SLC9A9: variants seen among roughly 807,000 people sequenced by gnomAD.
The protein encoded by SLC9A9 is sodium/hydrogen exchanger 9.
Under a neutral mutation model 77.8 loss-of-function variants are expected in SLC9A9, and 62 were observed. That is an observed-to-expected ratio of 0.80 (90% CI 0.65 to 0.98). The LOEUF is 0.98. Ranked by LOEUF, SLC9A9 falls within the 50% of genes least tolerant of loss-of-function variation. The pLI is 0.00. For synonymous variants in SLC9A9, 320 were observed against 283.5 expected, an observed-to-expected ratio of 1.13 and a Z score of -1.29; for missense variants, 775 against 774.9, an observed-to-expected ratio of 1.00 and a Z score of 0.00.
intron 11 of SLC9A9, among the ~76,000 whole-genome samples, chr3:143,477,970 T>C (rs920570632): frequency 2.0e-5 from 3 of 152,226 alleles, no homozygotes; most frequent in African/African-American, 4.8e-5. Context: ...GCCCACTCCC[T>C]AACTTTCTGT....
At chr3:143,500,667 T>C (rs1298180204) in intron 9 of SLC9A9, among the ~76,000 whole-genome samples, 1 of 152,114 alleles carries the variant, frequency 6.6e-6, no homozygotes, top group African/African-American at 2.4e-5. Context: ...ATGTATATTT[T>C]TCCAGGTGAA....
intron 1 of SLC9A9, among the ~76,000 whole-genome samples, chr3:143,840,304 C>A (rs78206048): frequency 6.6e-6 from 1 of 151,360 alleles, no homozygotes. Flanking sequence ...ATCTTGGGCT[C>A]ATGCACACAG....
chr3:143,601,170 A>G (rs1464838855), intron 6 of SLC9A9, among the ~76,000 whole-genome samples: 1 of 152,162 alleles, frequency 6.6e-6, no homozygotes, highest in Non-Finnish European at 1.5e-5. Flanking sequence ...CATTCAATGA[A>G]TATTTACTGA....
In SLC9A9 at chr3:143,795,294, A is replaced by AAAAAC. The variant is rs1553794673; in HGVS notation, c.457-218_457-217insGTTTT. ...AGTCAAGAAGCAGAAAAAAAAAAAA[A>AAAAAC]AAAAAACCCACTGGAAGATGAGTAG... On this transcript the variant is annotated intron_variant, in intron 3 of 15. Coordinates refer to ENST00000316549, the MANE Select transcript of SLC9A9 (RefSeq NM_173653.4). Among the ~76,000 whole-genome samples, 88 of 147,878 alleles carry AAAAAC rather than the reference A, an allele frequency of 6.0e-4. 1 individual carries two copies. The highest frequency in any genetic ancestry group is 1.7e-3 in the South Asian group (8 of 4,618).
At chr3:143,474,909 C>T (rs2035445306) in intron 11 of SLC9A9, among the ~76,000 whole-genome samples, 1 of 151,678 alleles carries the variant, frequency 6.6e-6, no homozygotes, top group East Asian at 1.9e-4. Flanking sequence ...TCTCAGTCCT[C>T]AGAAAGGCTG....
intron 14 of SLC9A9, among the ~76,000 whole-genome samples, chr3:143,274,260 C>T (rs1167140237): frequency 6.6e-6 from 1 of 152,192 alleles, no homozygotes; most frequent in African/African-American, 2.4e-5. Flanking sequence ...TCCATATCTC[C>T]ATTCAGGAAT....
chr3:143,751,065 C>T (rs1487241113), intron 4 of SLC9A9, among the ~76,000 whole-genome samples: 1 of 152,208 alleles, frequency 6.6e-6, no homozygotes, highest in South Asian at 2.1e-4. Flanking sequence ...ACATCAGATG[C>T]TGCTTCAAGG....
chr3:143,510,612 G>A (rs1369108179), intron 9 of SLC9A9, among the ~76,000 whole-genome samples: 5 of 151,896 alleles, frequency 3.3e-5, no homozygotes, highest in East Asian at 1.9e-4. Context: ...TCTTGTACCC[G>A]CTTCATATTA....
At chr3:143,800,878 G>A (rs55936201) in intron 2 of SLC9A9, among the ~76,000 whole-genome samples, 38,270 of 152,024 alleles carry the variant, frequency 0.25, 5,384 homozygotes, top group African/African-American at 0.36. Context: ...TCCGTTACCT[G>A]TCTTGGCATA....
At position 143,614,697 on chromosome 3, in the gene SLC9A9, C is replaced by A. The variant is rs146624122; in HGVS notation, c.756-35974G>T. ...TAAACCACAGTTAGGAAATCAGAAA[C>A]TTTCCACTCCCATGATGGGGAATCG... On this transcript the variant is annotated intron_variant, in intron 6 of 15. Coordinates refer to ENST00000316549, the MANE Select transcript of SLC9A9 (RefSeq NM_173653.4). 2.0e-5 allele frequency among the ~76,000 whole-genome samples: 3 copies of A among 152,302 alleles called. No homozygotes were observed. In the East Asian group the frequency reaches 5.8e-4, roughly 29 times the overall value.
chr3:143,645,769 A>G (rs987019573), intron 6 of SLC9A9, among the ~76,000 whole-genome samples: 1 of 152,054 alleles, frequency 6.6e-6, no homozygotes, highest in African/African-American at 2.4e-5. Context: ...TTGGTGCTCC[A>G]TTTCTTCATC....
rs573860392 is a variant in SLC9A9, at chr3:143,568,315, C to T, written c.1000+5773G>A. Among the ~76,000 whole-genome samples the T allele has an allele frequency of 5.9e-5, 9 of 152,136 alleles. No homozygotes were observed. The South Asian group carries it at 1.0e-3, about 18-fold the overall frequency. On this transcript the variant is annotated intron_variant, in intron 8 of 15. Transcript: ENST00000316549. ...CTCTTTGTCAGGGGAGGGTGGGACACGTTGATTAGAAGATGTTATCCATTG... is the reference window on the plus strand; with the variant it reads ...CTCTTTGTCAGGGGAGGGTGGGACATGTTGATTAGAAGATGTTATCCATTG...
chr3:143,428,738 C>T (rs1488143353), intron 12 of SLC9A9, among the ~76,000 whole-genome samples: 7 of 152,130 alleles, frequency 4.6e-5, no homozygotes, highest in East Asian at 1.9e-4. Flanking sequence ...GACACACACA[C>T]GAATATTAAC....
intron 13 of SLC9A9, among the ~76,000 whole-genome samples, chr3:143,375,196 C>G (rs1381152154): frequency 1.3e-5 from 2 of 152,208 alleles, no homozygotes; most frequent in Non-Finnish European, 2.9e-5. Context: ...AGTATCAGTA[C>G]ATTTCAAAAG....
chr3:143,809,973 G>A (rs1382410541), intron 2 of SLC9A9, among the ~76,000 whole-genome samples: 2 of 152,104 alleles, frequency 1.3e-5, no homozygotes, highest in African/African-American at 4.8e-5. Flanking sequence ...TACTACAAAA[G>A]GTGTGACTAA....
chr3:143,739,314 T>G (rs1426375507), intron 4 of SLC9A9, among the ~76,000 whole-genome samples: 1 of 152,184 alleles, frequency 6.6e-6, no homozygotes, highest in Non-Finnish European at 1.5e-5. Context: ...CCAAGGGTTT[T>G]AAGAGTTCTG....
chr3:143,319,796 C>A (rs2031351227), intron 14 of SLC9A9, among the ~76,000 whole-genome samples: 1 of 152,204 alleles, frequency 6.6e-6, no homozygotes, highest in South Asian at 2.1e-4. Context: ...TAAAACCTCG[C>A]AAGAAACATC....
At chr3:143,547,634 T>C (rs978164516) in intron 9 of SLC9A9, among the ~76,000 whole-genome samples, 5 of 152,380 alleles carry the variant, frequency 3.3e-5, no homozygotes, top group African/African-American at 1.2e-4. Flanking sequence ...ACATTGGTTC[T>C]CCTGCCCCAG....
intron 4 of SLC9A9, among the ~76,000 whole-genome samples, chr3:143,769,031 T>C (rs1474662227): frequency 6.6e-6 from 1 of 152,204 alleles, no homozygotes; most frequent in African/African-American, 2.4e-5. Context: ...AGTTATCTTT[T>C]CTGTGCCTTA....
Sources: allele counts gnomAD v4.1 joint callset (sites outside exome capture counted in the v4.1 genomes callset), GRCh38; gene constraint gnomAD v4.1.1; transcripts MANE v1.5; gene names NCBI Gene and HGNC (gene_info 2026-07-23, HGNC 2026-07-21).